The following CNTNAP2 variants were observed in gnomAD, a reference collection of about 807,000 sequenced individuals.
CNTNAP2 encodes contactin-associated protein-like 2.
Under a neutral mutation model 155.2 loss-of-function variants are expected in CNTNAP2, and 98 were observed. That is an observed-to-expected ratio of 0.63 (90% CI 0.54 to 0.75). The LOEUF (loss-of-function observed/expected upper bound fraction) is 0.75, where lower values mean the gene tolerates loss of function less well. Among genes scored for constraint, CNTNAP2 ranks in the 30% least tolerant of loss-of-function variants. The pLI, the probability that CNTNAP2 is intolerant of heterozygous loss-of-function variation, is 0.00. For synonymous variants in CNTNAP2, 651 were observed against 631.2 expected (o/e 1.03, Z -0.47); for missense variants, 1,727 against 1,688.1 (o/e 1.02, Z -0.40).
intron 5 of CNTNAP2, among the ~76,000 whole-genome samples, chr7:147,117,701 T>C (rs1801017386): frequency 6.6e-6 from 1 of 152,200 alleles, no homozygotes; most frequent in South Asian, 2.1e-4. Flanking sequence ...ATATGACTTG[T>C]ATCTCATATA....
intron 1 of CNTNAP2, among the ~76,000 whole-genome samples, chr7:146,298,403 A>T: frequency 6.6e-6 from 1 of 152,316 alleles, no homozygotes; most frequent in Middle Eastern, 3.4e-3. Context: ...TAGTAAATAC[A>T]TCACCCCCAC....
chr7:146,456,685 C>A (rs1361647439), intron 1 of CNTNAP2, among the ~76,000 whole-genome samples: 1 of 152,148 alleles, frequency 6.6e-6, no homozygotes, highest in African/African-American at 2.4e-5. Flanking sequence ...GTTTTTCCAG[C>A]TGTGATGCTG....
intron 9 of CNTNAP2, among the ~76,000 whole-genome samples, chr7:147,313,191 C>G (rs1018547147): frequency 6.6e-6 from 1 of 151,780 alleles, no homozygotes; most frequent in African/African-American, 2.4e-5. Flanking sequence ...GGTTGCAAAA[C>G]TTTTCTCCCA....
At chr7:147,526,648 T>A (rs780375772) in intron 11 of CNTNAP2, among the ~76,000 whole-genome samples, 1 of 152,200 alleles carries the variant, frequency 6.6e-6, no homozygotes, top group Non-Finnish European at 1.5e-5. Flanking sequence ...CTGTAGTATA[T>A]AGGTCAACAG....
chr7:147,139,347 A>G (rs1467808563), intron 8 of CNTNAP2, among the ~76,000 whole-genome samples: 1 of 152,112 alleles, frequency 6.6e-6, no homozygotes, highest in Admixed American at 6.6e-5. Flanking sequence ...AGATATATCT[A>G]AGTCAACTTT....
At chr7:146,264,908 G>A (rs1584835144) in intron 1 of CNTNAP2, among the ~76,000 whole-genome samples, 1 of 152,168 alleles carries the variant, frequency 6.6e-6, no homozygotes, top group East Asian at 1.9e-4. Context: ...ATCATAAGAT[G>A]TTAAAGGTTT....
At chr7:146,976,758 A>T (rs918988344) in intron 3 of CNTNAP2, among the ~76,000 whole-genome samples, 2 of 152,152 alleles carry the variant, frequency 1.3e-5, no homozygotes, top group South Asian at 2.1e-4. Context: ...GTCATTACAC[A>T]AGAAGGGTAA....
At chr7:147,917,012 C>A (rs1800173896) in intron 14 of CNTNAP2, among the ~76,000 whole-genome samples, 1 of 152,206 alleles carries the variant, frequency 6.6e-6, no homozygotes, top group Non-Finnish European at 1.5e-5. Flanking sequence ...GGGCCTTTCA[C>A]AGACACCTGA....
At chr7:146,567,315 A>G (rs1004295555) in intron 1 of CNTNAP2, among the ~76,000 whole-genome samples, 14 of 152,316 alleles carry the variant, frequency 9.2e-5, no homozygotes, top group African/African-American at 3.4e-4. Context: ...TTAATCTTAA[A>G]GGATCACATG....
intron 3 of CNTNAP2, among the ~76,000 whole-genome samples, chr7:146,930,602 A>C (rs1796728657): frequency 1.3e-5 from 2 of 152,222 alleles, no homozygotes; most frequent in Non-Finnish European, 2.9e-5. Flanking sequence ...CTTTAAATGT[A>C]AATGGACTAA....
chr7:148,248,135 GC>G (rs1796305954), intron 20 of CNTNAP2, among the ~76,000 whole-genome samples: 1 of 151,558 alleles, frequency 6.6e-6, no homozygotes, highest in African/African-American at 2.4e-5. Flanking sequence ...ACCCACCATT[GC>G]CCCCAAGCAT....
rs141279443 is a variant in CNTNAP2, at chr7:147,046,768, A to G, written c.550+2714A>G. On this transcript the variant is annotated intron_variant, in intron 4 of 23. Transcript: ENST00000361727. ...GTTTAGGCCGGGCGCGGTGGCTCAC[A>G]CCTGTAATCCCAGCACTTTGGGAGG... 9.2e-3 allele frequency among the ~76,000 whole-genome samples: 1,395 copies of G among 152,142 alleles called. 13 individuals carry two copies. The highest frequency in any genetic ancestry group is 0.014 in the Non-Finnish European group (956 of 67,998).
At chr7:146,992,791 TTAAA>T (rs1293570905) in intron 3 of CNTNAP2, among the ~76,000 whole-genome samples, 1 of 152,214 alleles carries the variant, frequency 6.6e-6, no homozygotes, top group East Asian at 1.9e-4. Flanking sequence ...ATATAAATTT[TTAAA>T]TAAATCCTTG....
intron 9 of CNTNAP2, among the ~76,000 whole-genome samples, chr7:147,364,918 T>A (rs1022400100): frequency 3.9e-5 from 6 of 152,124 alleles, no homozygotes; most frequent in African/African-American, 1.4e-4. Context: ...TTAATTTTGA[T>A]ATACTATGTC....
At chr7:147,867,182 G>T (rs1409751537) in intron 13 of CNTNAP2, among the ~76,000 whole-genome samples, 1 of 152,104 alleles carries the variant, frequency 6.6e-6, no homozygotes, top group East Asian at 1.9e-4. Flanking sequence ...TGTGTGTAAA[G>T]GATTTTATTT....
intron 3 of CNTNAP2, among the ~76,000 whole-genome samples, chr7:146,840,659 A>C (rs892699903): frequency 6.6e-6 from 1 of 152,120 alleles, no homozygotes; most frequent in Non-Finnish European, 1.5e-5. Context: ...AAGAAGGAAG[A>C]GGAAAGGGTT....
chr7:146,929,585 C>T (rs555031993), intron 3 of CNTNAP2, among the ~76,000 whole-genome samples: 120 of 152,234 alleles, frequency 7.9e-4, no homozygotes, highest in Middle Eastern at 3.4e-3. Flanking sequence ...CAAAGCTGGA[C>T]GGAGAATGAC....
At chr7:147,630,669 A>G (rs930719712) in intron 12 of CNTNAP2, among the ~76,000 whole-genome samples, 2 of 152,224 alleles carry the variant, frequency 1.3e-5, no homozygotes, top group African/African-American at 2.4e-5. Context: ...ATGATTTAAC[A>G]TACACAACCA....
At chr7:146,828,954 A>G (rs566008611) in intron 2 of CNTNAP2, among the ~76,000 whole-genome samples, 5 of 152,206 alleles carry the variant, frequency 3.3e-5, no homozygotes, top group African/African-American at 1.2e-4. Flanking sequence ...TTGGATTTGC[A>G]TTCACATTAG....
Sources: gnomAD v4.1 joint callset for allele counts (sites outside exome capture counted in the v4.1 genomes callset) on GRCh38, gnomAD v4.1.1 for gene constraint, MANE v1.5 for transcripts, NCBI Gene and HGNC (gene_info 2026-07-23, HGNC 2026-07-21) for gene names.